RAB20: variants seen among roughly 807,000 people sequenced by gnomAD.
RAB20 encodes RAB20, member RAS oncogene family.
Under a neutral mutation model 3.7 loss-of-function variants are expected in RAB20, and 2 were observed. That is an observed-to-expected ratio of 0.54 (90% confidence interval 0.22 to 1.69). The LOEUF is 1.69. RAB20 is among the 40% of genes most tolerant of loss of function. The pLI, the probability that RAB20 is intolerant of heterozygous loss-of-function variation, is 0.19. For missense variants in RAB20, 276 were observed against 311.9 expected, an observed-to-expected ratio of 0.88 and a Z score of 0.87; for synonymous variants, 126 against 130.8, an observed-to-expected ratio of 0.96 and a Z score of 0.25.
chr13:110,551,204 A>G (rs1884945268), intron 1 of RAB20, among the ~76,000 whole-genome samples: 1 of 152,244 alleles, frequency 6.6e-6, no homozygotes, highest in Non-Finnish European at 1.5e-5. Context: ...AGAAAAAGAG[A>G]TCAGAAAAAC....
chr13:110,529,358 G>A (rs923974265), intron 1 of RAB20, among the ~76,000 whole-genome samples: 3 of 152,174 alleles, frequency 2.0e-5, no homozygotes, highest in East Asian at 1.9e-4. Context: ...ACAAGTATGG[G>A]CTTAAACTGA....
chr13:110,523,941 T>C lies in RAB20; in HGVS notation c.429A>G (p.Pro143=), dbSNP rs779416362. The change falls in exon 2 of 2, where the codon CCA becomes CCG. Residue 143 remains proline (P), a synonymous_variant. Coordinates refer to ENST00000267328, the MANE Select transcript of RAB20 (RefSeq NM_017817.3). The part of the protein sequence containing the change: ...PNMDAGDRVS[P]RAPKQVQLED... ...CCAGCTGCACCTGCTTAGGTGCCCT[T>C]GGGGAGACACGGTCCCCAGCGTCCA... 6.2e-7 allele frequency: 1 copy of C among 1,614,016 alleles called. No individual in the cohort carries two copies. Among genetic ancestry groups the C allele is most frequent in the Admixed American group, 1.7e-5 (1 of 60,004 alleles).
chr13:110,535,888 T>C (rs1400806975), intron 1 of RAB20, among the ~76,000 whole-genome samples: 2 of 152,212 alleles, frequency 1.3e-5, no homozygotes, highest in Non-Finnish European at 2.9e-5. Context: ...TGTTTAAAAA[T>C]GGAATCATAA....
Position 110,538,618 on chromosome 13 carries a change from AG to A in RAB20, c.173-14422del, listed in dbSNP as rs1303520355. Among the ~76,000 whole-genome samples, 137 of 120,478 alleles carry A rather than the reference AG, an allele frequency of 1.1e-3. 1 individual carries two copies. The highest frequency in any genetic ancestry group is 2.3e-3 in the South Asian group (9 of 3,934). 79.0% of individuals were successfully genotyped at this position (120,478 alleles called of 152,430 possible). A position where few individuals can be genotyped will look rare whatever the true frequency, so the allele number is the denominator to read the frequency against. The stretch of plus-strand genomic sequence containing the variant: ...CTCTCAAAAAAAAAAAAAAAAAAAA[AG>A]AAAGAAAAGAAAAGAAAAGAAAAAG... On this transcript the variant is annotated intron_variant, in intron 1 of 1. Transcript: ENST00000267328.
intron 1 of RAB20, among the ~76,000 whole-genome samples, chr13:110,554,206 G>A (rs1175647635): frequency 6.6e-6 from 1 of 152,200 alleles, no homozygotes; most frequent in Non-Finnish European, 1.5e-5. Flanking sequence ...AATCTCTCAA[G>A]GCTTTTAAAA....
At chr13:110,536,106 AC>A (rs937790439) in intron 1 of RAB20, among the ~76,000 whole-genome samples, 1 of 152,054 alleles carries the variant, frequency 6.6e-6, no homozygotes, top group Admixed American at 6.6e-5. Flanking sequence ...GTGAAGGCAG[AC>A]CCCCGGGGAG....
chr13:110,527,214 C>A (rs565325399), intron 1 of RAB20, among the ~76,000 whole-genome samples: 1 of 152,056 alleles, frequency 6.6e-6, no homozygotes, highest in South Asian at 2.1e-4. Context: ...CCTTGCTGGG[C>A]GATGCTGCCT....
chr13:110,540,234 C>T (rs544149918), intron 1 of RAB20, among the ~76,000 whole-genome samples: 37 of 152,374 alleles, frequency 2.4e-4, no homozygotes, highest in African/African-American at 8.9e-4. Context: ...CACATGCCAG[C>T]ATATGTAATC....
chr13:110,549,110 C>A (rs979107422), intron 1 of RAB20, among the ~76,000 whole-genome samples: 4 of 152,202 alleles, frequency 2.6e-5, no homozygotes, highest in African/African-American at 9.6e-5. Context: ...GACCAGTGTG[C>A]GGAGAGCGGT....
rs1189639236 is a variant in RAB20 at position 110,523,878 on chromosome 13, G to A, written c.492C>T (p.Tyr164=). Residue 164 remains tyrosine (Y), a synonymous_variant, in exon 2 of 2, where the codon TAC becomes TAT. Transcript: ENST00000267328. ...AVALYKKILK[Y]KMLDEQDVPA... is the part of the protein sequence containing the mutation. ...GCACATCCTGCTCATCCAGCATCTTGTACTTGAGGATCTTTTTATAAAGGG... is the reference window on the plus strand; with the variant it reads ...GCACATCCTGCTCATCCAGCATCTTATACTTGAGGATCTTTTTATAAAGGG... 6.2e-7 allele frequency: 1 copy of A among 1,614,202 alleles called. No homozygotes were observed. Among genetic ancestry groups the A allele is most frequent in the African/African-American group, 1.3e-5 (1 of 75,052 alleles).
chr13:110,551,228 T>C (rs897337042), intron 1 of RAB20, among the ~76,000 whole-genome samples: 1 of 152,148 alleles, frequency 6.6e-6, no homozygotes, highest in Non-Finnish European at 1.5e-5. Context: ...CAACCAGCAG[T>C]ATGTACTATG....
Position 110,561,335 on chromosome 13 carries a change from G to A in RAB20, c.172+13C>T, listed in dbSNP as rs769971458. 1.3e-6 allele frequency: 2 copies of A among 1,585,020 alleles called. No homozygotes were observed. The highest frequency in any genetic ancestry group is 1.4e-5 in the African/African-American group (1 of 72,678). The stretch of plus-strand genomic sequence containing the variant: ...GCCCCAGGGCGGTGTGGCTCATGCG[G>A]CGCCGGCCTCACCTGCGGTGTCCCA... On this transcript the variant is annotated intron_variant, in intron 1 of 1. Coordinates refer to ENST00000267328, the MANE Select transcript of RAB20 (RefSeq NM_017817.3).
chr13:110,537,191 T>C (rs1884661923), intron 1 of RAB20, among the ~76,000 whole-genome samples: 1 of 151,750 alleles, frequency 6.6e-6, no homozygotes, highest in South Asian at 2.1e-4. Context: ...AGATGGGGTC[T>C]CACTATTATT....
chr13:110,546,496 A>G (rs181472823), intron 1 of RAB20, among the ~76,000 whole-genome samples: 1 of 152,298 alleles, frequency 6.6e-6, no homozygotes, highest in Non-Finnish European at 1.5e-5. Context: ...TCCAACCCAC[A>G]AGGAAGCACA....
At chr13:110,543,771 G>GT (rs139608593) in intron 1 of RAB20, among the ~76,000 whole-genome samples, 3 of 78,422 alleles carry the variant, frequency 3.8e-5, no homozygotes, top group African/African-American at 1.5e-4. Flanking sequence ...TCAAATGTGG[G>GT]TTATTTTTTT....
intron 1 of RAB20, among the ~76,000 whole-genome samples, chr13:110,543,132 TA>T (rs1407977342): frequency 1.3e-5 from 2 of 152,164 alleles, no homozygotes; most frequent in African/African-American, 2.4e-5. Context: ...TTGCTCATTT[TA>T]TTTTTTTTTA....
intron 1 of RAB20, among the ~76,000 whole-genome samples, chr13:110,536,638 C>T (rs1283762850): frequency 2.8e-5 from 4 of 142,988 alleles, no homozygotes; most frequent in African/African-American, 7.8e-5. Context: ...CCTCCAAGCC[C>T]GTCAGCAGAA....
chr13:110,535,550 A>G (rs962659800), intron 1 of RAB20, among the ~76,000 whole-genome samples: 19 of 152,252 alleles, frequency 1.2e-4, no homozygotes, highest in Non-Finnish European at 1.8e-4. Flanking sequence ...CAGAGACTCT[A>G]CTGGCGAGAT....
At chr13:110,534,047 C>T (rs35039533) in intron 1 of RAB20, among the ~76,000 whole-genome samples, 15 of 152,166 alleles carry the variant, frequency 9.9e-5, no homozygotes, top group Non-Finnish European at 2.1e-4. Context: ...GGCCCCGGTG[C>T]CCAGCAGTTT....
Sources: gnomAD v4.1 joint callset for allele counts (sites outside exome capture counted in the v4.1 genomes callset) on GRCh38, gnomAD v4.1.1 for gene constraint, MANE v1.5 for transcripts, NCBI Gene and HGNC (gene_info 2026-07-23, HGNC 2026-07-21) for gene names.